SH3RF3: variants seen among roughly 807,000 people sequenced by gnomAD.
SH3RF3 encodes E3 ubiquitin-protein ligase SH3RF3.
In SH3RF3, 29 loss-of-function variants were observed where a neutral mutation model predicts 66.3. The observed-to-expected ratio is 0.44, with a 90% CI of 0.33 to 0.60. The LOEUF (loss-of-function observed/expected upper bound fraction) is 0.60. Among genes scored for constraint, SH3RF3 ranks in the 20% least tolerant of loss-of-function variants. The pLI, the probability that SH3RF3 is intolerant of heterozygous loss-of-function variation, is 0.04. For synonymous variants in SH3RF3, 583 were observed against 532.0 expected, an observed-to-expected ratio of 1.10 and a Z score of -1.32; for missense variants, 1,194 against 1,190.9, an observed-to-expected ratio of 1.00 and a Z score of -0.04.
At chr2:109,199,612 T>TCAACCCGAGTGCAG (rs1574499835) in intron 1 of SH3RF3, among the ~76,000 whole-genome samples, 1 of 336 alleles carries the variant, frequency 3.0e-3, no homozygotes, top group African/African-American at 8.8e-3. Context: ...TGGAATGGAA[T>TCAACCCGAGTGCAG]GGAATGGAAT....
chr2:109,315,890 G>A (rs1025379), intron 1 of SH3RF3, among the ~76,000 whole-genome samples: 96,470 of 151,792 alleles, frequency 0.64, 33,360 homozygotes, highest in East Asian at 0.91. Flanking sequence ...TTCCCAGAAC[G>A]TCACCTGCGA....
At chr2:109,255,465 G>T (rs768565002) in intron 1 of SH3RF3, among the ~76,000 whole-genome samples, 1 of 152,198 alleles carries the variant, frequency 6.6e-6, no homozygotes, top group African/African-American at 2.4e-5. Flanking sequence ...GGTTGGACTG[G>T]GGTTCGTATT....
chr2:109,217,753 C>A (rs1265266060), intron 1 of SH3RF3, among the ~76,000 whole-genome samples: 3 of 152,178 alleles, frequency 2.0e-5, no homozygotes, highest in Admixed American at 2.0e-4. Flanking sequence ...GGCCACTCAA[C>A]TAATAGATCA....
chr2:109,437,265 A>G (rs1677431999), intron 7 of SH3RF3, 119 bp downstream of exon 7: 2 of 1,414,672 alleles, frequency 1.4e-6, no homozygotes, highest in South Asian at 3.0e-5. Flanking sequence ...TGGCAGCTTC[A>G]TGGCAGCTGG....
At chr2:109,477,782 C>T (rs1173310318) in intron 8 of SH3RF3, among the ~76,000 whole-genome samples, 2 of 152,176 alleles carry the variant, frequency 1.3e-5, no homozygotes, top group African/African-American at 4.8e-5. Flanking sequence ...CGTGTCCTCA[C>T]GTGGTCAATA....
chr2:109,487,294 C>A (rs1408980844), intron 8 of SH3RF3, among the ~76,000 whole-genome samples: 3 of 152,218 alleles, frequency 2.0e-5, no homozygotes, highest in African/African-American at 7.2e-5. Context: ...CGAGTACATG[C>A]CAACTGTCCA....
At chr2:109,357,694 T>C (rs1682979807) in intron 2 of SH3RF3, among the ~76,000 whole-genome samples, 2 of 152,244 alleles carry the variant, frequency 1.3e-5, no homozygotes, top group Non-Finnish European at 2.9e-5. Flanking sequence ...CCCATGTTGT[T>C]GTAGGGCACT....
chr2:109,213,678 A>C (rs1679043809), intron 1 of SH3RF3, among the ~76,000 whole-genome samples: 1 of 152,328 alleles, frequency 6.6e-6, no homozygotes, highest in African/African-American at 2.4e-5. Context: ...AGGTCAGGTC[A>C]AGATGGCTTC....
At chr2:109,460,960 A>G (rs1678195010) in intron 8 of SH3RF3, among the ~76,000 whole-genome samples, 2 of 152,194 alleles carry the variant, frequency 1.3e-5, no homozygotes, top group South Asian at 2.1e-4. Flanking sequence ...GTGCCTGCAT[A>G]TGGTGCAGAA....
At chr2:109,166,976 T>G (rs1363637937) in intron 1 of SH3RF3, among the ~76,000 whole-genome samples, 3 of 152,196 alleles carry the variant, frequency 2.0e-5, no homozygotes, top group Non-Finnish European at 4.4e-5. Context: ...GCCATCCCCT[T>G]TGCCTCCAGC....
chr2:109,464,321 G>A (rs1026792924), intron 8 of SH3RF3, among the ~76,000 whole-genome samples: 7 of 152,074 alleles, frequency 4.6e-5, no homozygotes, highest in African/African-American at 1.4e-4. Flanking sequence ...ATGAACTCAC[G>A]TACAATGTGA....
intron 4 of SH3RF3, among the ~76,000 whole-genome samples, chr2:109,405,200 G>A (rs904764112): frequency 2.6e-5 from 4 of 152,062 alleles, no homozygotes; most frequent in East Asian, 1.9e-4. Context: ...CTGGAGAGAC[G>A]CCTCAACTTC....
At chr2:109,193,830 C>G (rs1331494630) in intron 1 of SH3RF3, among the ~76,000 whole-genome samples, 1 of 152,164 alleles carries the variant, frequency 6.6e-6, no homozygotes, top group Non-Finnish European at 1.5e-5. Context: ...TACCCAGCAC[C>G]TGATTTAAGT....
At chr2:109,483,431 G>A (rs1181602019) in intron 8 of SH3RF3, among the ~76,000 whole-genome samples, 1 of 152,164 alleles carries the variant, frequency 6.6e-6, no homozygotes, top group African/African-American at 2.4e-5. Context: ...TCGGTGCCCA[G>A]CAAGAAAAGG....
chr2:109,267,865 T>C (rs994374093), intron 1 of SH3RF3, among the ~76,000 whole-genome samples: 1 of 152,074 alleles, frequency 6.6e-6, no homozygotes, highest in Admixed American at 6.5e-5. Context: ...CAGAGGTTGC[T>C]TGGGAGGCCA....
intron 1 of SH3RF3, among the ~76,000 whole-genome samples, chr2:109,139,471 C>T (rs764877259): frequency 1.8e-4 from 28 of 152,168 alleles, no homozygotes; most frequent in Middle Eastern, 3.2e-3. Context: ...GTATCCTGAG[C>T]GGCATCCCCC....
At chr2:109,349,019 T>TTC (rs141831998) in intron 2 of SH3RF3, among the ~76,000 whole-genome samples, 112 of 150,900 alleles carry the variant, frequency 7.4e-4, no homozygotes, top group African/African-American at 1.5e-3. Context: ...GTGTCAGTAT[T>TTC]TCTCTCTCTC....
intron 1 of SH3RF3, among the ~76,000 whole-genome samples, chr2:109,145,044 G>A (rs1187341910): frequency 1.3e-5 from 2 of 152,214 alleles, no homozygotes; most frequent in Admixed American, 1.3e-4. Context: ...AGGGCCCTTT[G>A]GAGAAGCTCG....
intron 4 of SH3RF3, among the ~76,000 whole-genome samples, chr2:109,406,886 G>T (rs550185886): frequency 6.6e-6 from 1 of 152,278 alleles, no homozygotes; most frequent in Non-Finnish European, 1.5e-5. Context: ...TGAGGGGTGG[G>T]CACATGGAGT....
Sources: gnomAD v4.1 joint callset for allele counts (sites outside exome capture counted in the v4.1 genomes callset) on GRCh38, gnomAD v4.1.1 for gene constraint, MANE v1.5 for transcripts, NCBI Gene and HGNC (gene_info 2026-07-23, HGNC 2026-07-21) for gene names.